EBF1: variants seen among roughly 807,000 people sequenced by gnomAD.
The protein encoded by EBF1 is EBF transcription factor 1.
EBF1 carries 10 observed loss-of-function variants against 68.4 expected under a neutral mutation model. The ratio of observed to expected loss-of-function variants is 0.15; its 90% CI spans 0.09 to 0.25. The LOEUF (loss-of-function observed/expected upper bound fraction) is 0.25, where lower values mean the gene tolerates loss of function less well. Among genes scored for constraint, EBF1 ranks in the 10% least tolerant of loss-of-function variants. The probability of loss-of-function intolerance (pLI) is 1.00; values close to 1 mark genes in which losing one functional copy is unlikely to be tolerated. For synonymous variants in EBF1, 298 were observed against 299.8 expected (o/e 0.99, Z 0.06); for missense variants, 509 against 794.4 (o/e 0.64, Z 4.32).
intron 6 of EBF1, among the ~76,000 whole-genome samples, chr5:158,930,090 T>C (rs930789721): frequency 2.6e-5 from 4 of 152,202 alleles, no homozygotes; most frequent in Non-Finnish European, 4.4e-5. Context: ...TCCCTCGTAA[T>C]AGATAAAATT....
chr5:158,890,519 GCATTATCTTA>G (rs1800960456), intron 6 of EBF1, among the ~76,000 whole-genome samples: 2 of 152,294 alleles, frequency 1.3e-5, no homozygotes, highest in South Asian at 4.1e-4. Flanking sequence ...GACTCCTATA[GCATTATCTTA>G]CATACCTCAG....
At chr5:158,808,932 C>G (rs1235127979) in intron 8 of EBF1, among the ~76,000 whole-genome samples, 1 of 152,152 alleles carries the variant, frequency 6.6e-6, no homozygotes, top group Non-Finnish European at 1.5e-5. Flanking sequence ...ATGAAGGTGT[C>G]TCTTTCTATC....
intron 7 of EBF1, among the ~76,000 whole-genome samples, chr5:158,826,889 G>A (rs538752534): frequency 6.6e-6 from 1 of 152,206 alleles, no homozygotes; most frequent in South Asian, 2.1e-4. Flanking sequence ...ATCCCTAAAA[G>A]GTATTATTCC....
chr5:159,082,609 TA>T (rs1779935401), intron 5 of EBF1, among the ~76,000 whole-genome samples: 1 of 152,166 alleles, frequency 6.6e-6, no homozygotes, highest in Non-Finnish European at 1.5e-5. Context: ...ATTTTTTTCC[TA>T]AAGCCCCCTA....
At chr5:158,977,624 G>A (rs915482746) in intron 6 of EBF1, among the ~76,000 whole-genome samples, 3 of 152,286 alleles carry the variant, frequency 2.0e-5, no homozygotes, top group African/African-American at 2.4e-5. Flanking sequence ...TTTCTACCAT[G>A]GGATATGCAC....
intron 6 of EBF1, among the ~76,000 whole-genome samples, chr5:158,953,819 A>G (rs1427557755): frequency 6.6e-6 from 1 of 152,110 alleles, no homozygotes; most frequent in Non-Finnish European, 1.5e-5. Context: ...TTAATTTTTA[A>G]CCCTGGTTTT....
At chr5:158,924,206 T>A (rs1019972611) in intron 6 of EBF1, among the ~76,000 whole-genome samples, 2 of 152,202 alleles carry the variant, frequency 1.3e-5, no homozygotes, top group Non-Finnish European at 2.9e-5. Flanking sequence ...AATTACGTGG[T>A]GGGCTGTTGT....
intron 10 of EBF1, among the ~76,000 whole-genome samples, chr5:158,745,149 A>T (rs1332592346): frequency 2.0e-5 from 3 of 152,208 alleles, no homozygotes; most frequent in Admixed American, 1.3e-4. Context: ...TGTTTAGTTA[A>T]GCAGTTCACT....
chr5:158,796,653 G>A lies in EBF1; in HGVS notation c.779-178C>T, dbSNP rs1032302201. Among the ~76,000 whole-genome samples, 16 of 152,232 alleles carry A rather than the reference G, an allele frequency of 1.1e-4. 2 individuals carry two copies. The South Asian group carries it at 2.7e-3, about 26-fold the overall frequency. On this transcript the variant is annotated intron_variant, in intron 8 of 15. Transcript: ENST00000313708. ...CCTGAAACTTCAGGGTGCAACTTCA[G>A]TTTTTAAAAGCATTCTTTTCATTGT...
intron 7 of EBF1, among the ~76,000 whole-genome samples, chr5:158,838,183 C>G (rs906660335): frequency 3.9e-5 from 6 of 151,980 alleles, no homozygotes; most frequent in Non-Finnish European, 5.9e-5. Context: ...CAGTGGCTCA[C>G]GCCTGTAATT....
At chr5:158,840,218 C>T in intron 6 of EBF1, 108 bp from the exon 7 acceptor site, 1 of 808,004 alleles carries the variant, frequency 1.2e-6, no homozygotes, top group Non-Finnish European at 2.1e-6. Context: ...TACATGTTTT[C>T]TGAAATATTC....
At chr5:159,027,763 C>T (rs544855488) in intron 6 of EBF1, among the ~76,000 whole-genome samples, 2 of 152,314 alleles carry the variant, frequency 1.3e-5, no homozygotes, top group South Asian at 2.1e-4. Context: ...GATTCTGGTT[C>T]CTACCCCTCT....
chr5:158,702,774 A>C (rs1447287071), intron 15 of EBF1, among the ~76,000 whole-genome samples: 2 of 134,526 alleles, frequency 1.5e-5, no homozygotes, highest in Non-Finnish European at 3.2e-5. Flanking sequence ...AAAAAAAAAA[A>C]AGAATTATGA....
In EBF1 at chr5:158,697,673, C is replaced by T; in HGVS notation, c.*1438G>A. 1 of 203,376 alleles carries T rather than the reference C, an allele frequency of 4.9e-6. No individual in the cohort carries two copies. Among genetic ancestry groups the T allele is most frequent in the Non-Finnish European group, 1.0e-5 (1 of 99,312 alleles). The allele number at this position is 203,376 out of a possible 1,614,324, so 12.6% of individuals were successfully genotyped here. ...GAGCTTTTTTTCTTTGCAAAATACG[C>T]AGTAAAATCTTTTTGTGATATTGAA... On this transcript the variant is annotated 3_prime_UTR_variant, in exon 16 of 16. Coordinates refer to ENST00000313708, the MANE Select transcript of EBF1 (RefSeq NM_024007.5).
chr5:158,993,324 A>C (rs1760758200), intron 6 of EBF1, among the ~76,000 whole-genome samples: 1 of 152,168 alleles, frequency 6.6e-6, no homozygotes, highest in Admixed American at 6.5e-5. Flanking sequence ...CTAGGATTAC[A>C]GGCATGAGCC....
At chr5:158,895,787 T>C (rs994912020) in intron 6 of EBF1, among the ~76,000 whole-genome samples, 13 of 152,198 alleles carry the variant, frequency 8.5e-5, no homozygotes, top group African/African-American at 3.1e-4. Flanking sequence ...CCTGTAAACA[T>C]ATCTGAAGCT....
At chr5:158,758,606 AC>A (rs1455276690) in intron 10 of EBF1, among the ~76,000 whole-genome samples, 3 of 152,198 alleles carry the variant, frequency 2.0e-5, no homozygotes. Context: ...TAATTCAGGC[AC>A]CAAGAAGCTA....
chr5:158,907,752 C>T (rs1804968611), intron 6 of EBF1, among the ~76,000 whole-genome samples: 1 of 148,566 alleles, frequency 6.7e-6, no homozygotes, highest in Non-Finnish European at 1.5e-5. Flanking sequence ...CAATTAATGT[C>T]AACAATATAA....
In EBF1 at chr5:158,796,328, G is replaced by A; in HGVS notation, c.909+17C>T. On this transcript the variant is annotated intron_variant, in intron 9 of 15. Coordinates refer to ENST00000313708, the MANE Select transcript of EBF1 (RefSeq NM_024007.5). ...CTAGATCAAGCTATTAGATATTAATGTTCAGACAACACCTACCTCACTCCA... is the reference window on the plus strand; with the variant it reads ...CTAGATCAAGCTATTAGATATTAATATTCAGACAACACCTACCTCACTCCA... 1 of 1,604,398 alleles carries A rather than the reference G, an allele frequency of 6.2e-7. No homozygotes were observed. The highest frequency in any genetic ancestry group is 8.5e-7 in the Non-Finnish European group (1 of 1,175,088).
Sources: allele counts gnomAD v4.1 joint callset (sites outside exome capture counted in the v4.1 genomes callset), GRCh38; gene constraint gnomAD v4.1.1; transcripts MANE v1.5; gene names NCBI Gene and HGNC (gene_info 2026-07-23, HGNC 2026-07-21).